Variants in CACNA2D1 observed in about 807,000 individuals in gnomAD.
The protein encoded by CACNA2D1 is voltage-dependent calcium channel subunit alpha-2/delta-1.
A neutral mutation model predicts 171.5 loss-of-function variants in CACNA2D1; 53 were observed. The ratio of observed to expected loss-of-function variants is 0.31; its 90% CI spans 0.25 to 0.39. The LOEUF (loss-of-function observed/expected upper bound fraction) is 0.39. Among genes scored for constraint, CACNA2D1 ranks in the 10% least tolerant of loss-of-function variants. The pLI, the probability that CACNA2D1 is intolerant of heterozygous loss-of-function variation, is 1.00. For synonymous variants in CACNA2D1, 442 were observed against 443.1 expected (o/e 1.00, Z 0.03); for missense variants, 903 against 1,299.8 (o/e 0.69, Z 4.69).
chr7:82,203,048 C>A lies in CACNA2D1; in HGVS notation c.295-32439G>T, dbSNP rs60216784. On this transcript the variant is annotated intron_variant, in intron 3 of 38. Coordinates refer to ENST00000356860, the MANE Select transcript of CACNA2D1 (RefSeq NM_000722.4). The stretch of plus-strand genomic sequence containing the variant: ...GACATTGCTGTGCAACCCGGTCCCC[C>A]CTAGGTGCTTCAACTCAAAGACTAC... 9.3e-4 allele frequency among the ~76,000 whole-genome samples: 142 copies of A among 152,118 alleles called. 1 individual carries two copies. The highest frequency in any genetic ancestry group is 3.0e-3 in the African/African-American group (124 of 41,500).
chr7:82,115,822 C>G (rs528518256), intron 6 of CACNA2D1, among the ~76,000 whole-genome samples: 2 of 151,390 alleles, frequency 1.3e-5, no homozygotes, highest in Middle Eastern at 3.5e-3. Flanking sequence ...ATAATAACAA[C>G]AACAAACACT....
chr7:82,290,418 C>T (rs1811370676), intron 3 of CACNA2D1, among the ~76,000 whole-genome samples: 1 of 151,996 alleles, frequency 6.6e-6, no homozygotes, highest in Non-Finnish European at 1.5e-5. Context: ...ACGTAAGAGT[C>T]CAAGCTAATC....
intron 3 of CACNA2D1, among the ~76,000 whole-genome samples, chr7:82,228,058 G>A (rs1409346552): frequency 2.0e-5 from 3 of 152,188 alleles, no homozygotes; most frequent in Middle Eastern, 3.4e-3. Context: ...ACATTATATG[G>A]CAACGGCAAA....
At chr7:82,055,279 G>C (rs896936322) in intron 10 of CACNA2D1, among the ~76,000 whole-genome samples, 1 of 152,044 alleles carries the variant, frequency 6.6e-6, no homozygotes, top group African/African-American at 2.4e-5. Context: ...CTTAGTTAGA[G>C]GGCAGTAGCT....
In CACNA2D1 at chr7:82,110,567, G is replaced by T. The variant is rs990062041; in HGVS notation, c.526+6477C>A. The stretch of plus-strand genomic sequence containing the variant: ...ATCAGAGTCTTTGCAATCGTCCATA[G>T]GGCTGTGGCTGACATGGCGTCTGCT... On this transcript the variant is annotated intron_variant, in intron 6 of 38. Coordinates refer to ENST00000356860, the MANE Select transcript of CACNA2D1 (RefSeq NM_000722.4). Among the ~76,000 whole-genome samples, 6 of 152,224 alleles carry T rather than the reference G, an allele frequency of 3.9e-5. No individual in the cohort carries two copies. The South Asian group carries it at 1.2e-3, about 32-fold the overall frequency.
At chr7:82,295,941 G>A (rs574860962) in intron 3 of CACNA2D1, among the ~76,000 whole-genome samples, 19 of 151,992 alleles carry the variant, frequency 1.3e-4, no homozygotes, top group Middle Eastern at 3.4e-3. Context: ...AAAAAATGAT[G>A]AGTTCATGTC....
chr7:82,095,229 A>T (rs889531152), intron 6 of CACNA2D1, among the ~76,000 whole-genome samples: 1 of 151,954 alleles, frequency 6.6e-6, no homozygotes, highest in Admixed American at 6.6e-5. Flanking sequence ...TTTTTATTAC[A>T]GTTCAGCATC....
intron 2 of CACNA2D1, among the ~76,000 whole-genome samples, chr7:82,339,759 G>C (rs757244801): frequency 2.2e-4 from 33 of 152,196 alleles, no homozygotes; most frequent in Non-Finnish European, 3.7e-4. Flanking sequence ...CTGAGCAATA[G>C]AATTGGTGGT....
At chr7:82,077,823 T>C (rs1392767528) in intron 7 of CACNA2D1, among the ~76,000 whole-genome samples, 1 of 151,780 alleles carries the variant, frequency 6.6e-6, no homozygotes, top group Non-Finnish European at 1.5e-5. Flanking sequence ...ATAAATACTA[T>C]AAATGTTGAG....
At chr7:82,007,805 C>T in intron 15 of CACNA2D1, 49 bp from the exon 16 acceptor site, 1 of 1,131,242 alleles carries the variant, frequency 8.8e-7, no homozygotes, top group Non-Finnish European at 1.3e-6. Context: ...ACAATTTAAG[C>T]TTTGTCAGAG....
chr7:82,391,155 C>T (rs910979403), intron 1 of CACNA2D1, among the ~76,000 whole-genome samples: 1 of 152,136 alleles, frequency 6.6e-6, no homozygotes, highest in East Asian at 1.9e-4. Flanking sequence ...TTGAGCATCA[C>T]TCACAGTTCA....
In CACNA2D1 at chr7:82,066,526, T is replaced by TAAAAA; in HGVS notation, c.659-7_659-3dup. ...TACTATTATCAACCCATGGTGAAGC[T>TAAAAA]AAAAAAAAAAAAAAAAGAGAGATAT... On this transcript the variant is annotated splice_region_variant and splice_polypyrimidine_tract_variant and intron_variant, in intron 7 of 38. Coordinates refer to ENST00000356860, the MANE Select transcript of CACNA2D1 (RefSeq NM_000722.4). The TAAAAA allele has an allele frequency of 3.5e-6, 5 of 1,448,188 alleles. No individual in the cohort carries two copies. Among genetic ancestry groups the TAAAAA allele is most frequent in the African/African-American group, 1.6e-5 (1 of 61,980 alleles). 89.7% of individuals were successfully genotyped at this position (1,448,188 alleles called of 1,614,324 possible).
intron 3 of CACNA2D1, among the ~76,000 whole-genome samples, chr7:82,251,897 A>G (rs979071950): frequency 1.3e-5 from 2 of 152,120 alleles, no homozygotes; most frequent in Admixed American, 1.3e-4. Context: ...TTGTCCATAA[A>G]CAGTTATGAG....
chr7:82,035,383 A>G (rs936050634), intron 11 of CACNA2D1, among the ~76,000 whole-genome samples: 4 of 151,964 alleles, frequency 2.6e-5, no homozygotes, highest in African/African-American at 9.7e-5. Flanking sequence ...CAATAAGATG[A>G]CTGGAAGTGT....
chr7:82,297,548 T>A (rs1353638047), intron 3 of CACNA2D1, among the ~76,000 whole-genome samples: 1 of 152,114 alleles, frequency 6.6e-6, no homozygotes, highest in Non-Finnish European at 1.5e-5. Context: ...TCAAAAAAAA[T>A]TTTTGTAAAA....
intron 1 of CACNA2D1, among the ~76,000 whole-genome samples, chr7:82,436,221 A>G (rs3801665): frequency 0.66 from 99,879 of 152,004 alleles, 33,908 homozygotes; most frequent in African/African-American, 0.83. Flanking sequence ...TAAAAAGGCA[A>G]TATAAATTAA....
chr7:82,124,242 A>G (rs1790075177), intron 5 of CACNA2D1, among the ~76,000 whole-genome samples: 1 of 152,090 alleles, frequency 6.6e-6, no homozygotes, highest in Non-Finnish European at 1.5e-5. Context: ...CTGATTTTCT[A>G]GAACTAAATC....
intron 6 of CACNA2D1, among the ~76,000 whole-genome samples, chr7:82,093,082 T>C (rs1195639752): frequency 6.6e-6 from 1 of 152,122 alleles, no homozygotes; most frequent in Non-Finnish European, 1.5e-5. Flanking sequence ...AAAATGAGCA[T>C]GTGAATGTAT....
chr7:82,022,588 C>A (rs2131037707), intron 12 of CACNA2D1, among the ~76,000 whole-genome samples: 1 of 151,932 alleles, frequency 6.6e-6, no homozygotes, highest in South Asian at 2.1e-4. Context: ...AAATTATTTT[C>A]CATGGATTAT....
Sources: allele counts gnomAD v4.1 joint callset (sites outside exome capture counted in the v4.1 genomes callset), GRCh38; gene constraint gnomAD v4.1.1; transcripts MANE v1.5; gene names NCBI Gene and HGNC (gene_info 2026-07-23, HGNC 2026-07-21).